EPHA5: variants seen among roughly 807,000 people sequenced by gnomAD.
EPHA5 encodes the protein EPH receptor A5.
A neutral mutation model predicts 105.0 loss-of-function variants in EPHA5; 60 were observed. The observed-to-expected ratio is 0.57, with a 90% CI of 0.46 to 0.71. The LOEUF is 0.71. EPHA5 is among the 30% of genes least tolerant of loss of function. The pLI is 0.00. For missense variants in EPHA5, 1,218 were observed against 1,274.7 expected, an observed-to-expected ratio of 0.96 and a Z score of 0.68; for synonymous variants, 513 against 449.1, an observed-to-expected ratio of 1.14 and a Z score of -1.80.
At chr4:65,655,183 T>C (rs1472263116) in intron 1 of EPHA5, among the ~76,000 whole-genome samples, 1 of 152,016 alleles carries the variant, frequency 6.6e-6, no homozygotes, top group Non-Finnish European at 1.5e-5. Context: ...AAACCATTTA[T>C]ATAGCATTTT....
At chr4:65,545,720 T>A (rs1457064183) in intron 3 of EPHA5, among the ~76,000 whole-genome samples, 1 of 151,970 alleles carries the variant, frequency 6.6e-6, no homozygotes, top group Non-Finnish European at 1.5e-5. Flanking sequence ...AAAGCTGTTA[T>A]ATATGCCACA....
At chr4:65,340,895 G>A (rs376470538) in intron 14 of EPHA5, among the ~76,000 whole-genome samples, 1 of 151,986 alleles carries the variant, frequency 6.6e-6, no homozygotes, top group African/African-American at 2.4e-5. Context: ...CTTTATGCAC[G>A]TTGCTTCCAG....
At position 65,650,559 on chromosome 4, in the gene EPHA5, C is replaced by CAAAAAAAAAAAAAAA. The variant is rs59357895; in HGVS notation, c.182-7133_182-7132insTTTTTTTTTTTTTTT. ...TGGGCAACAGAGTGAGACTCAGTCT[C>CAAAAAAAAAAAAAAA]AAAAAAAAAAAAAGAGCTAGTTGTT... On this transcript the variant is annotated intron_variant, in intron 1 of 16. Coordinates refer to ENST00000613740, the MANE Select transcript of EPHA5 (RefSeq NM_001281766.3). Among the ~76,000 whole-genome samples the CAAAAAAAAAAAAAAA allele has an allele frequency of 9.4e-5, 11 of 117,000 alleles. 1 individual carries two copies. The highest frequency in any genetic ancestry group is 3.3e-4 in the African/African-American group (9 of 27,182). The allele number at this position is 117,000 out of a possible 152,430, so 76.8% of individuals were successfully genotyped here. A position where few individuals can be genotyped will look rare whatever the true frequency, so the allele number is the denominator to read the frequency against.
rs373734294 is a variant in EPHA5, at chr4:65,453,766, T to G, written c.1403-33201A>C. 2.0e-5 allele frequency among the ~76,000 whole-genome samples: 3 copies of G among 152,300 alleles called. No homozygotes were observed. The East Asian group carries it at 5.8e-4, about 29-fold the overall frequency. On this transcript the variant is annotated intron_variant, in intron 5 of 16. Transcript: ENST00000613740. ...GAAGGGATGCAAGACCCTGGAAGCA[T>G]GCCAACACATAAAACCCTAAGTCAA...
At chr4:65,669,436 C>A in intron 1 of EPHA5, 126 bp downstream of exon 1, 2 of 1,246,618 alleles carry the variant, frequency 1.6e-6, no homozygotes, top group South Asian at 3.6e-5. Flanking sequence ...ACGACAAATA[C>A]CAATTTGAGA....
At chr4:65,642,930 A>G (rs1452355281) in intron 2 of EPHA5, among the ~76,000 whole-genome samples, 1 of 151,974 alleles carries the variant, frequency 6.6e-6, no homozygotes, top group Non-Finnish European at 1.5e-5. Flanking sequence ...ATGAAGTAAA[A>G]ATTAAATTGG....
intron 5 of EPHA5, among the ~76,000 whole-genome samples, chr4:65,435,101 A>G (rs1336886867): frequency 1.3e-5 from 2 of 152,166 alleles, no homozygotes; most frequent in South Asian, 2.1e-4. Flanking sequence ...TGACATTAAA[A>G]AATAGAATCA....
intron 1 of EPHA5, among the ~76,000 whole-genome samples, chr4:65,656,913 A>G (rs1370277744): frequency 6.7e-6 from 1 of 150,326 alleles, no homozygotes; most frequent in South Asian, 2.1e-4. Flanking sequence ...TATTTTGGAT[A>G]TATTTGATAT....
intron 3 of EPHA5, among the ~76,000 whole-genome samples, chr4:65,503,139 G>C (rs1732658842): frequency 6.6e-6 from 1 of 151,732 alleles, no homozygotes; most frequent in Non-Finnish European, 1.5e-5. Context: ...AGGAAGTTGA[G>C]TCAGGGATGA....
Position 65,568,207 on chromosome 4 carries a change from T to C in EPHA5, c.910+33434A>G, listed in dbSNP as rs182378299. ...ACTTTTAATTTTTATTAAAGGTAGA[T>C]AGCTCATTGAGGAAGTAAAGTACAC... On this transcript the variant is annotated intron_variant, in intron 3 of 16. Coordinates refer to ENST00000613740, the MANE Select transcript of EPHA5 (RefSeq NM_001281766.3). 1.4e-3 allele frequency among the ~76,000 whole-genome samples: 208 copies of C among 151,574 alleles called. 1 individual carries two copies. The highest frequency in any genetic ancestry group is 0.011 in the East Asian group (55 of 5,156).
At chr4:65,511,979 A>C (rs1487634950) in intron 3 of EPHA5, among the ~76,000 whole-genome samples, 1 of 152,182 alleles carries the variant, frequency 6.6e-6, no homozygotes, top group African/African-American at 2.4e-5. Flanking sequence ...AAAAATTCCA[A>C]AGTTTATTGA....
At chr4:65,387,994 A>T (rs1181631494) in intron 8 of EPHA5, among the ~76,000 whole-genome samples, 18 of 92,254 alleles carry the variant, frequency 2.0e-4, no homozygotes, top group African/African-American at 2.7e-4. Context: ...CAGTTCCCAG[A>T]GTGTGATGTT....
chr4:65,490,942 G>A (rs1418575189), intron 4 of EPHA5, among the ~76,000 whole-genome samples: 1 of 152,030 alleles, frequency 6.6e-6, no homozygotes, highest in Non-Finnish European at 1.5e-5. Context: ...AAAGCAGAAC[G>A]TTTTGCTTCA....
Position 65,534,324 on chromosome 4 carries a change from T to C in EPHA5, c.911-38781A>G, listed in dbSNP as rs77190619. Among the ~76,000 whole-genome samples, 544 of 152,316 alleles carry C rather than the reference T, an allele frequency of 3.6e-3. 2 individuals are homozygous for C. Among genetic ancestry groups the C allele is most frequent in the Non-Finnish European group, 5.6e-3 (378 of 68,022 alleles). On this transcript the variant is annotated intron_variant, in intron 3 of 16. Transcript: ENST00000613740. The stretch of plus-strand genomic sequence containing the variant: ...CACAATAATATTGTTACTGCCCACA[T>C]GCCTGAGATTCGTGAAATATTTTGT...
chr4:65,551,832 C>T (rs1277370517), intron 3 of EPHA5, among the ~76,000 whole-genome samples: 2 of 151,972 alleles, frequency 1.3e-5, no homozygotes, highest in Non-Finnish European at 2.9e-5. Flanking sequence ...TAGCTATTAC[C>T]ATATAGGTAG....
intron 5 of EPHA5, among the ~76,000 whole-genome samples, chr4:65,467,513 A>G (rs1214358485): frequency 6.6e-6 from 1 of 152,224 alleles, no homozygotes; most frequent in Non-Finnish European, 1.5e-5. Flanking sequence ...TGACTTTACA[A>G]GAGACAAGCC....
chr4:65,458,094 A>T (rs893035932), intron 5 of EPHA5, among the ~76,000 whole-genome samples: 2 of 151,534 alleles, frequency 1.3e-5, no homozygotes, highest in Non-Finnish European at 2.9e-5. Flanking sequence ...AAAAAAAAAA[A>T]AAAAGAGTAC....
At chr4:65,361,752 C>A (rs990796548) in intron 11 of EPHA5, among the ~76,000 whole-genome samples, 1 of 151,528 alleles carries the variant, frequency 6.6e-6, no homozygotes, top group Non-Finnish European at 1.5e-5. Flanking sequence ...TCTTCTAATG[C>A]TTCTGTAGTG....
chr4:65,461,270 T>C (rs548431620), intron 5 of EPHA5, among the ~76,000 whole-genome samples: 1 of 152,058 alleles, frequency 6.6e-6, no homozygotes, highest in East Asian at 1.9e-4. Context: ...TATCTGTGAT[T>C]TAATATTATG....
Sources: allele counts gnomAD v4.1 joint callset (sites outside exome capture counted in the v4.1 genomes callset), GRCh38; gene constraint gnomAD v4.1.1; transcripts MANE v1.5; gene names NCBI Gene and HGNC (gene_info 2026-07-23, HGNC 2026-07-21).